XYLT1: variants seen among roughly 807,000 people sequenced by gnomAD.
XYLT1 encodes beta-D-xylosyltransferase 1.
XYLT1 carries 36 observed loss-of-function variants against 91.3 expected under a neutral mutation model. That is an observed-to-expected ratio of 0.39 (90% CI 0.30 to 0.52). The LOEUF (loss-of-function observed/expected upper bound fraction) is 0.52. XYLT1 is among the 20% of genes least tolerant of loss of function. The pLI is 0.68. For missense variants in XYLT1, 1,242 were observed against 1,284.5 expected (o/e 0.97, Z 0.51); for synonymous variants, 588 against 532.0 (o/e 1.11, Z -1.45).
At chr16:17,386,834 G>A (rs1456542688) in intron 1 of XYLT1, among the ~76,000 whole-genome samples, 1 of 152,206 alleles carries the variant, frequency 6.6e-6, no homozygotes, top group Non-Finnish European at 1.5e-5. Flanking sequence ...GGCAGGTGTA[G>A]TTGTCATCAT....
chr16:17,308,194 C>T (rs1596474915), intron 2 of XYLT1, among the ~76,000 whole-genome samples: 1 of 152,164 alleles, frequency 6.6e-6, no homozygotes, highest in East Asian at 1.9e-4. Context: ...TCCCACAACC[C>T]CAACCTCCCA....
At chr16:17,122,275 T>C (rs1477086810) in intron 10 of XYLT1, among the ~76,000 whole-genome samples, 2 of 152,228 alleles carry the variant, frequency 1.3e-5, no homozygotes, top group Admixed American at 1.3e-4. Flanking sequence ...TGTTATTTTT[T>C]GGTTATGGCC....
chr16:17,336,600 A>ACCT (rs1231872054), intron 2 of XYLT1, among the ~76,000 whole-genome samples: 1 of 150,152 alleles, frequency 6.7e-6, no homozygotes, highest in Non-Finnish European at 1.5e-5. Context: ...GAGAGAGAAA[A>ACCT]CCTCCTCCTC....
At chr16:17,183,134 C>T (rs897300056) in intron 5 of XYLT1, among the ~76,000 whole-genome samples, 51 of 152,154 alleles carry the variant, frequency 3.4e-4, no homozygotes, top group Admixed American at 3.2e-3. Context: ...AGCTTGGCCA[C>T]GATCAAGTCA....
At chr16:17,313,310 C>T (rs1184349130) in intron 2 of XYLT1, among the ~76,000 whole-genome samples, 1 of 152,216 alleles carries the variant, frequency 6.6e-6, no homozygotes, top group Non-Finnish European at 1.5e-5. Context: ...CCCCTGGCTG[C>T]TGGGGCTGGA....
At chr16:17,336,462 G>A (rs1181632780) in intron 2 of XYLT1, among the ~76,000 whole-genome samples, 1 of 152,198 alleles carries the variant, frequency 6.6e-6, no homozygotes, top group East Asian at 1.9e-4. Flanking sequence ...CAGCAGGCAG[G>A]CAAAGGCCAG....
chr16:17,350,643 A>G (rs539764316), intron 2 of XYLT1, among the ~76,000 whole-genome samples: 17 of 152,336 alleles, frequency 1.1e-4, no homozygotes, highest in African/African-American at 4.1e-4. Flanking sequence ...GACGGGGGAA[A>G]AAAACATATG....
At chr16:17,368,187 G>A (rs1186936568) in intron 1 of XYLT1, among the ~76,000 whole-genome samples, 2 of 152,188 alleles carry the variant, frequency 1.3e-5, no homozygotes, top group African/African-American at 4.8e-5. Flanking sequence ...GAGCTTTGCA[G>A]TCCCAGGCTA....
intron 1 of XYLT1, among the ~76,000 whole-genome samples, chr16:17,386,921 T>C (rs567518823): frequency 2.0e-5 from 3 of 152,224 alleles, no homozygotes; most frequent in African/African-American, 7.2e-5. Flanking sequence ...AATTTAATAG[T>C]CAAGCCAAAG....
chr16:17,289,557 C>G (rs1193121592), intron 2 of XYLT1, among the ~76,000 whole-genome samples: 1 of 152,090 alleles, frequency 6.6e-6, no homozygotes, highest in African/African-American at 2.4e-5. Flanking sequence ...ATGTGTTTTC[C>G]CAATGTTAGG....
chr16:17,137,789 C>T (rs1380933745), intron 8 of XYLT1, among the ~76,000 whole-genome samples: 5 of 151,808 alleles, frequency 3.3e-5, no homozygotes, highest in Non-Finnish European at 7.4e-5. Flanking sequence ...CCTGGCTGCT[C>T]CTCAGAAAAG....
chr16:17,153,855 C>G (rs1370680011), intron 6 of XYLT1, among the ~76,000 whole-genome samples: 1 of 152,138 alleles, frequency 6.6e-6, no homozygotes, highest in Non-Finnish European at 1.5e-5. Context: ...TATTTACATT[C>G]AGCAGGATTT....
intron 1 of XYLT1, among the ~76,000 whole-genome samples, chr16:17,445,005 C>G (rs1161484672): frequency 6.6e-6 from 1 of 152,078 alleles, no homozygotes; most frequent in Non-Finnish European, 1.5e-5. Context: ...AGGGAGGACA[C>G]CATTTGTTTT....
At chr16:17,213,141 CA>C (rs2032793195) in intron 3 of XYLT1, among the ~76,000 whole-genome samples, 1 of 152,102 alleles carries the variant, frequency 6.6e-6, no homozygotes, top group Non-Finnish European at 1.5e-5. Context: ...GGTTTAGCAC[CA>C]TTCCTTTGAT....
chr16:17,146,382 CCAG>C, intron 6 of XYLT1, among the ~76,000 whole-genome samples: 1 of 152,250 alleles, frequency 6.6e-6, no homozygotes, highest in East Asian at 1.9e-4. Flanking sequence ...TTACCTGTCA[CCAG>C]CTGGGTGACT....
chr16:17,267,611 A>G (rs140963995), intron 2 of XYLT1, among the ~76,000 whole-genome samples: 191 of 152,096 alleles, frequency 1.3e-3, no homozygotes, highest in African/African-American at 4.5e-3. Flanking sequence ...GGGTTTCACC[A>G]TGTTAGCCAG....
chr16:17,379,759 TCTCTCACACACACACACACA>T (rs2035651537), intron 1 of XYLT1, among the ~76,000 whole-genome samples: 8 of 117,982 alleles, frequency 6.8e-5, no homozygotes, highest in African/African-American at 3.1e-4. Flanking sequence ...TCTCTCTCTC[TCTCTCACACACACACACACA>T]CACACACACA....
chr16:17,306,432 A>G (rs1596474334), intron 2 of XYLT1, among the ~76,000 whole-genome samples: 1 of 152,160 alleles, frequency 6.6e-6, no homozygotes, highest in East Asian at 1.9e-4. Context: ...GCGCATGTGT[A>G]TACTCCAAGC....
intron 2 of XYLT1, among the ~76,000 whole-genome samples, chr16:17,307,858 G>T (rs768263713): frequency 7.7e-4 from 117 of 152,282 alleles, no homozygotes; most frequent in Non-Finnish European, 1.4e-3. Context: ...TAAGGAGAGG[G>T]CAGTGAAGGG....
Sources: allele counts gnomAD v4.1 joint callset (sites outside exome capture counted in the v4.1 genomes callset), GRCh38; gene constraint gnomAD v4.1.1; transcripts MANE v1.5; gene names NCBI Gene and HGNC (gene_info 2026-07-23, HGNC 2026-07-21).